The following RNF32 variants were observed in gnomAD, a reference collection of about 807,000 sequenced individuals.
The protein encoded by RNF32 is ring finger protein 32.
Under a neutral mutation model 41.0 loss-of-function variants are expected in RNF32, and 36 were observed. The ratio of observed to expected loss-of-function variants is 0.88; its 90% confidence interval spans 0.67 to 1.16. The LOEUF (loss-of-function observed/expected upper bound fraction) is 1.16, where lower values mean the gene tolerates loss of function less well. Among genes scored for constraint, RNF32 ranks in the 50% most tolerant of loss-of-function variants. The probability of loss-of-function intolerance (pLI) is 0.00; values close to 1 mark genes in which losing one functional copy is unlikely to be tolerated. For synonymous variants in RNF32, 154 were observed against 160.9 expected (o/e 0.96, Z 0.32); for missense variants, 413 against 436.7 (o/e 0.95, Z 0.48).
In RNF32 at chr7:156,676,911, G is replaced by C. The variant is rs141109864; in HGVS notation, c.*256G>C. 2.3e-6 allele frequency: 1 copy of C among 432,790 alleles called. No homozygotes were observed. The highest frequency in any genetic ancestry group is 4.2e-6 in the Non-Finnish European group (1 of 238,588). 26.8% of individuals were successfully genotyped at this position (432,790 alleles called of 1,614,324 possible). On this transcript the variant is annotated 3_prime_UTR_variant, in exon 9 of 9. Coordinates refer to ENST00000317955, the MANE Select transcript of RNF32 (RefSeq NM_030936.4). ...TATGAATAGCAAAAAATGAGAGCTT[G>C]CTTACTTCTAAAAATTGAGGTTAAG... is the stretch of plus-strand genomic sequence containing the variant.
Position 156,670,985 on chromosome 7 carries a change from AATAAC to A in RNF32, c.685-4706_685-4702del, listed in dbSNP as rs942002828. Among the ~76,000 whole-genome samples, 7 of 152,198 alleles carry A rather than the reference AATAAC, an allele frequency of 4.6e-5. No individual in the cohort carries two copies. The highest frequency in any genetic ancestry group is 1.7e-4 in the African/African-American group (7 of 41,442). On this transcript the variant is annotated intron_variant, in intron 7 of 8. Transcript: ENST00000317955. This position sits in a 1 kb window ranked among gnomAD's most constrained non-coding sequence, Gnocchi z 4.3. ...AAAGAGAGAGAGAGCTTATGACAAA[AATAAC>A]ATAAAGCAGGAGAGGAAAATTAAGT... is the stretch of plus-strand genomic sequence containing the variant.
intron 4 of RNF32, among the ~76,000 whole-genome samples, chr7:156,655,397 AGT>A (rs1197586909): frequency 1.3e-5 from 2 of 152,140 alleles, no homozygotes; most frequent in African/African-American, 4.8e-5. Context: ...ATTTATCAGA[AGT>A]GTGTGTGTGC....
chr7:156,663,260 GGTTA>G (rs1423117723), intron 7 of RNF32, among the ~76,000 whole-genome samples: 3 of 152,052 alleles, frequency 2.0e-5, no homozygotes, highest in African/African-American at 4.8e-5. Flanking sequence ...AAGAAAACTA[GGTTA>G]CTTACTGTCA....
chr7:156,658,815 C>A (rs1273406215), intron 7 of RNF32: 18 of 1,226,170 alleles, frequency 1.5e-5, no homozygotes, highest in Non-Finnish European at 2.1e-5. Context: ...AAAGCAACTT[C>A]TGTTTGGCCA....
chr7:156,640,500 A>C (rs1452690138), upstream of RNF32: 28 of 354,144 alleles, frequency 7.9e-5, no homozygotes, highest in Non-Finnish European at 1.1e-5. Flanking sequence ...GCGATCCCCA[A>C]AAACGCCCGC....
chr7:156,652,081 G>A (rs1798816740), intron 3 of RNF32, among the ~76,000 whole-genome samples: 1 of 152,208 alleles, frequency 6.6e-6, no homozygotes, highest in Non-Finnish European at 1.5e-5. Flanking sequence ...GACCCACACA[G>A]AAGCTCACAT....
At chr7:156,653,624 C>T (rs10236219) in intron 3 of RNF32, among the ~76,000 whole-genome samples, 57,058 of 151,726 alleles carry the variant, frequency 0.38, 11,256 homozygotes, top group African/African-American at 0.5. Flanking sequence ...TGCATTGACC[C>T]GTCTTTGGGG....
rs528241859 is a variant in RNF32 at position 156,658,364 on chromosome 7, C to T, written c.576-98C>T. The T allele has an allele frequency of 1.6e-5, 24 of 1,545,300 alleles. No individual in the cohort carries two copies. In the Admixed American group the frequency reaches 2.0e-4, roughly 13 times the overall value. ...TCTCTTCTTGGCCACCATAATTTCC[C>T]CAGGGCCTTGTACAGCACAGGGCTT... is the stretch of plus-strand genomic sequence containing the variant. On this transcript the variant is annotated intron_variant, in intron 6 of 8. Transcript: ENST00000317955.
At chr7:156,668,513 T>C (rs75126220) in intron 7 of RNF32, among the ~76,000 whole-genome samples, 2,755 of 152,274 alleles carry the variant, frequency 0.018, 84 homozygotes, top group African/African-American at 0.064. Flanking sequence ...CCTGTGGGTC[T>C]TGCCACCCTG....
intron 3 of RNF32, among the ~76,000 whole-genome samples, chr7:156,650,243 C>T (rs1355184875): frequency 1.3e-5 from 2 of 152,226 alleles, no homozygotes; most frequent in Admixed American, 6.5e-5. Flanking sequence ...CAAGAGGGTG[C>T]ACAGCCCCAG....
At chr7:156,660,386 C>T in intron 7 of RNF32, 1 of 696,434 alleles carries the variant, frequency 1.4e-6, no homozygotes, top group Non-Finnish European at 1.8e-6. Flanking sequence ...TCCTTTGGGG[C>T]TTTTAAGATG....
rs1798468458 is a variant in RNF32, at chr7:156,649,795, A to T, written c.275-4781A>T. On this transcript the variant is annotated intron_variant, in intron 3 of 8. Coordinates refer to ENST00000317955, the MANE Select transcript of RNF32 (RefSeq NM_030936.4). ...CTTGCCCACGGTGTTTTTCACATTC[A>T]CTGTTGCATTCTGATAACTAATTCT... Among the ~76,000 whole-genome samples, 4 of 152,216 alleles carry T rather than the reference A, an allele frequency of 2.6e-5. No homozygotes were observed. In the South Asian group the frequency reaches 8.3e-4, roughly 32 times the overall value.
At chr7:156,649,253 C>T (rs558996305) in intron 3 of RNF32, among the ~76,000 whole-genome samples, 49 of 151,610 alleles carry the variant, frequency 3.2e-4, no homozygotes, top group Non-Finnish European at 6.5e-4. Flanking sequence ...ACTGTATTTA[C>T]AGTGTTATCA....
At position 156,644,685 on chromosome 7, in the gene RNF32, A is replaced by C. The variant is rs756048992; in HGVS notation, c.202A>C (p.Thr68Pro). The change falls in exon 3 of 9, where the codon ACA becomes CCA. Residue 68 changes from threonine to proline, a missense_variant. Thr to Pro is a conservative substitution (Grantham distance 38). Transcript: ENST00000317955. ...AIIDTGLKKT[T>P]QCPKLEDSEK... ...AATAGATACTGGACTTAAAAAAACT[A>C]CACAGTGCCCCAAACTAGAAGACTC... 1 of 1,613,478 alleles carries C rather than the reference A, an allele frequency of 6.2e-7. No homozygotes were observed. Among genetic ancestry groups the C allele is most frequent in the Non-Finnish European group, 8.5e-7 (1 of 1,179,750 alleles).
intron 5 of RNF32, 146 bp downstream of exon 5, chr7:156,657,719 C>A: frequency 1.3e-6 from 1 of 769,836 alleles, no homozygotes; most frequent in Non-Finnish European, 2.3e-6. Context: ...TGACTGTAGG[C>A]TGCAGTACAA....
At position 156,676,709 on chromosome 7, in the gene RNF32, T is replaced by G. The variant is rs1223471622; in HGVS notation, c.*54T>G. 1 of 1,321,102 alleles carries G rather than the reference T, an allele frequency of 7.6e-7. No homozygotes were observed. The allele number at this position is 1,321,102 out of a possible 1,614,324, so 81.8% of individuals were successfully genotyped here. ...CTGAGGAAAAAAGTTTACCATCATT[T>G]TGGATGAACTGCATGAGTTCTGGGT... On this transcript the variant is annotated 3_prime_UTR_variant, in exon 9 of 9. Coordinates refer to ENST00000317955, the MANE Select transcript of RNF32 (RefSeq NM_030936.4).
chr7:156,660,786 T>C (rs1438399197), intron 7 of RNF32, among the ~76,000 whole-genome samples: 1 of 152,330 alleles, frequency 6.6e-6, no homozygotes, highest in African/African-American at 2.4e-5. Flanking sequence ...AAACCCACTC[T>C]CAAGGAGTCC....
intron 7 of RNF32, chr7:156,659,732 C>T (rs377517356): frequency 1.4e-6 from 1 of 733,318 alleles, no homozygotes; most frequent in Non-Finnish European, 1.7e-6. Context: ...AGAACTGGCC[C>T]AGGTTGCTGG....
At chr7:156,654,754 G>C (rs1304317776) in intron 4 of RNF32, 36 bp downstream of exon 4, 1 of 1,592,468 alleles carries the variant, frequency 6.3e-7, no homozygotes, top group Admixed American at 1.7e-5. Context: ...GAGAGCTCCT[G>C]GGCTGTTTCC....
Sources: gnomAD v4.1 joint callset for allele counts (sites outside exome capture counted in the v4.1 genomes callset) on GRCh38, gnomAD v4.1.1 for gene constraint, Gnocchi (gnomAD v3.1) non-coding constraint, MANE v1.5 for transcripts, NCBI Gene and HGNC (gene_info 2026-07-23, HGNC 2026-07-21) for gene names.